The following CCDC82 variants were observed in gnomAD, a reference collection of about 807,000 sequenced individuals.
The protein encoded by CCDC82 is coiled-coil domain-containing protein 82.
CCDC82 carries 47 observed loss-of-function variants against 60.6 expected under a neutral mutation model. That is an observed-to-expected ratio of 0.77 (90% CI 0.61 to 0.99). The LOEUF is 0.99. CCDC82 is among the 50% of genes least tolerant of loss of function. CCDC82 has a pLI of 0.00. For synonymous variants in CCDC82, 212 were observed against 207.4 expected, an observed-to-expected ratio of 1.02 and a Z score of -0.19; for missense variants, 588 against 633.0, an observed-to-expected ratio of 0.93 and a Z score of 0.76.
At chr11:96,353,814 G>A (rs1481037155) in intron 9 of CCDC82, 100 bp from the exon 10 acceptor site, 4 of 744,666 alleles carry the variant, frequency 5.4e-6, no homozygotes, top group East Asian at 2.6e-5. Context: ...TCCATTTCAT[G>A]GTAATCGTGA....
intron 6 of CCDC82, 81 bp downstream of exon 6, chr11:96,373,294 T>C (rs1190549847): frequency 1.2e-6 from 1 of 834,954 alleles, no homozygotes; most frequent in Non-Finnish European, 1.9e-6. Context: ...TTGTTTAATC[T>C]ACATAGTTTT....
At chr11:96,367,803 T>A (rs1325026943) in intron 7 of CCDC82, among the ~76,000 whole-genome samples, 1 of 151,422 alleles carries the variant, frequency 6.6e-6, no homozygotes, top group Admixed American at 6.6e-5. Flanking sequence ...GCTGCTACAA[T>A]CTTATGAAAT....
In CCDC82 at chr11:96,384,115, A is replaced by G. The variant is rs763939772; in HGVS notation, c.633T>C (p.Arg211=). ...LVRKVGVKRP[R]RVVEDEGSSV... is the part of the protein sequence containing the mutation. ...AAGAACCTTCATCTTCAACCACTCT[A>G]CGGGGACGTTTAACACCTACTTTTC... Residue 211 remains arginine, a synonymous_variant, in exon 4 of 10, where the codon CGT becomes CGC. Transcript: ENST00000646818. 3 of 1,613,682 alleles carry G rather than the reference A, an allele frequency of 1.9e-6. No homozygotes were observed. The highest frequency in any genetic ancestry group is 1.7e-4 in the Middle Eastern group (1 of 6,060).
chr11:96,386,843 T>C (rs1435939932), intron 2 of CCDC82: 1 of 152,214 alleles, frequency 6.6e-6, no homozygotes, highest in Non-Finnish European at 1.5e-5. Flanking sequence ...AAATTGTGTG[T>C]AGTCAAAATT....
intron 8 of CCDC82, among the ~76,000 whole-genome samples, chr11:96,359,864 A>T (rs1054186721): frequency 2.0e-5 from 3 of 151,196 alleles, no homozygotes; most frequent in Admixed American, 6.6e-5. Context: ...GTGTTTAGGC[A>T]TACTGATTGC....
chr11:96,359,853 T>G (rs1864548445), intron 8 of CCDC82, among the ~76,000 whole-genome samples: 1 of 151,228 alleles, frequency 6.6e-6, no homozygotes, highest in African/African-American at 2.4e-5. Flanking sequence ...AAAATAAATC[T>G]GTGTTTAGGC....
At chr11:96,365,184 G>A (rs896820781) in intron 7 of CCDC82, 34 bp from the exon 8 acceptor site, 45 of 1,334,440 alleles carry the variant, frequency 3.4e-5, no homozygotes, top group Non-Finnish European at 4.4e-5. Flanking sequence ...AAGTTTAAAA[G>A]ATAAAGAATA....
intron 9 of CCDC82, 63 bp downstream of exon 9, chr11:96,358,930 C>T (rs1864483913): frequency 1.5e-6 from 2 of 1,347,036 alleles, no homozygotes; most frequent in Non-Finnish European, 1.0e-6. Flanking sequence ...CATTTGTTTC[C>T]TTTTGCTGAT....
intron 5 of CCDC82, chr11:96,380,713 T>C (rs1379644448): frequency 2.0e-5 from 3 of 151,902 alleles, no homozygotes; most frequent in East Asian, 3.9e-4. Flanking sequence ...GTGCATATTA[T>C]TAAGTGAAAG....
At chr11:96,362,865 G>A (rs1160561756) in intron 8 of CCDC82, among the ~76,000 whole-genome samples, 1 of 152,100 alleles carries the variant, frequency 6.6e-6, no homozygotes, top group Admixed American at 6.5e-5. Context: ...CCTAGTTAAT[G>A]TCTCAATTTT....
intron 5 of CCDC82, among the ~76,000 whole-genome samples, chr11:96,373,670 A>G (rs549518912): frequency 2.7e-4 from 41 of 152,318 alleles, no homozygotes; most frequent in African/African-American, 9.9e-4. Flanking sequence ...TCCAATCCAA[A>G]GTGTCTACTT....
chr11:96,356,939 T>A (rs1864378658), intron 9 of CCDC82: 2 of 985,266 alleles, frequency 2.0e-6, no homozygotes, highest in South Asian at 9.4e-5. Flanking sequence ...ATAGTACGTG[T>A]AAGGCAACAA....
chr11:96,362,226 G>C (rs1402970174), intron 8 of CCDC82, among the ~76,000 whole-genome samples: 1 of 152,176 alleles, frequency 6.6e-6, no homozygotes, highest in African/African-American at 2.4e-5. Context: ...GCTAACTGTA[G>C]GTAGCTTTTT....
chr11:96,383,150 G>GGA, intron 5 of CCDC82, 119 bp downstream of exon 5: 1 of 681,102 alleles, frequency 1.5e-6, no homozygotes, highest in Non-Finnish European at 2.6e-6. Flanking sequence ...AAGGTTATCT[G>GGA]AAAATGAAAC....
chr11:96,364,689 TACTC>T (rs1864853393), intron 8 of CCDC82: 1 of 209,450 alleles, frequency 4.8e-6, no homozygotes, highest in Non-Finnish European at 9.4e-6. Context: ...AAAAAACACT[TACTC>T]TTCAGTTTTT....
rs1210925839 is a variant in CCDC82 at position 96,357,437 on chromosome 11, AAGCCT to A, written c.1566+1551_1566+1555del. 5.1e-6 allele frequency: 5 copies of A among 985,166 alleles called. No homozygotes were observed. In the East Asian group the frequency reaches 5.7e-4, roughly 112 times the overall value. The allele number at this position is 985,166 out of a possible 1,614,324, so 61.0% of individuals were successfully genotyped here. A position where few individuals can be genotyped will look rare whatever the true frequency, so the allele number is the denominator to read the frequency against. On this transcript the variant is annotated intron_variant, in intron 9 of 9. Transcript: ENST00000646818. ...ATGACACTTGGCTTTCTTGAAAAGAAAGCCTAAGCTCCTTTCTTTTCCTAAGAAAA... is the reference window on the plus strand; with the variant it reads ...ATGACACTTGGCTTTCTTGAAAAGAAAAGCTCCTTTCTTTTCCTAAGAAAA...
intron 5 of CCDC82, among the ~76,000 whole-genome samples, chr11:96,378,194 C>A (rs547479448): frequency 2.6e-5 from 4 of 152,018 alleles, no homozygotes; most frequent in Non-Finnish European, 5.9e-5. Flanking sequence ...CTATCTACTG[C>A]TTTCCATAGA....
Position 96,384,665 on chromosome 11 carries a change from C to G in CCDC82, c.83G>C (p.Arg28Pro), listed in dbSNP as rs753336168. ...PEQKSRVDWR[R>P]TKRSSISQLL... ...TTGTGAGATACTACTTCTTTTAGTT[C>G]GCCTCCAATCAACTCGAGATTTCTG... The change falls in exon 4 of 10, where the codon CGA becomes CCA. Residue 28 changes from arginine (R) to proline (P), a missense_variant. Coordinates refer to ENST00000646818, the MANE Select transcript of CCDC82 (RefSeq NM_024725.4). 1.2e-6 allele frequency: 2 copies of G among 1,613,296 alleles called. No homozygotes were observed. Among genetic ancestry groups the G allele is most frequent in the East Asian group, 4.5e-5 (2 of 44,856 alleles).
At chr11:96,374,580 G>A (rs550885838) in intron 5 of CCDC82, among the ~76,000 whole-genome samples, 1 of 152,216 alleles carries the variant, frequency 6.6e-6, no homozygotes, top group South Asian at 2.1e-4. Flanking sequence ...CAATAATCAT[G>A]GCCTTTAATG....
Sources: gnomAD v4.1 joint callset for allele counts (sites outside exome capture counted in the v4.1 genomes callset) on GRCh38, gnomAD v4.1.1 for gene constraint, MANE v1.5 for transcripts, NCBI Gene and HGNC (gene_info 2026-07-23, HGNC 2026-07-21) for gene names.